The following CHAT variants were observed in gnomAD, a reference collection of about 807,000 sequenced individuals.
CHAT encodes the protein acetyl CoA:choline O-acetyltransferase.
Under a neutral mutation model 76.9 loss-of-function variants are expected in CHAT, and 61 were observed. That is an observed-to-expected ratio of 0.79 (90% confidence interval 0.65 to 0.98). CHAT has a LOEUF of 0.98. Among genes scored for constraint, CHAT ranks in the 50% least tolerant of loss-of-function variants. CHAT has a pLI of 0.00. For missense variants in CHAT, 946 were observed against 986.9 expected (o/e 0.96, Z 0.56); for synonymous variants, 407 against 397.4 (o/e 1.02, Z -0.29).
At chr10:49,632,720 A>C (rs987192918) in intron 7 of CHAT, among the ~76,000 whole-genome samples, 5 of 152,072 alleles carry the variant, frequency 3.3e-5, no homozygotes, top group Non-Finnish European at 7.4e-5. Context: ...TCTCTCCTTC[A>C]AGACACTGCC....
chr10:49,628,956 G>C (rs1022586660), intron 7 of CHAT, among the ~76,000 whole-genome samples: 4 of 152,232 alleles, frequency 2.6e-5, no homozygotes, highest in Non-Finnish European at 4.4e-5. Flanking sequence ...TCTCTAGAAG[G>C]GTCTTCCCCC....
At chr10:49,637,861 T>C (rs1189913983) in intron 7 of CHAT, among the ~76,000 whole-genome samples, 1 of 152,252 alleles carries the variant, frequency 6.6e-6, no homozygotes, top group Non-Finnish European at 1.5e-5. Context: ...GATAACATAT[T>C]TTGAATGACT....
intron 7 of CHAT, among the ~76,000 whole-genome samples, chr10:49,639,945 T>A (rs1839425290): frequency 6.6e-6 from 1 of 152,180 alleles, no homozygotes; most frequent in South Asian, 2.1e-4. Context: ...TTCTTTTCTC[T>A]CCTCCCTAGG....
rs1478590906 is a variant in CHAT, at chr10:49,639,271, CACTT to C, written c.1112-7233_1112-7230del. On this transcript the variant is annotated intron_variant, in intron 7 of 14. Transcript: ENST00000337653. ...AACCAAAAACAAACAAACAAAAAAA[CACTT>C]TATTTAGCCATTCTTTCAGGATATG... Among the ~76,000 whole-genome samples the C allele has an allele frequency of 1.1e-4, 17 of 152,154 alleles. No individual in the cohort carries two copies. The East Asian group carries it at 3.1e-3, about 28-fold the overall frequency.
In CHAT at chr10:49,665,208, GA is replaced by G; in HGVS notation, c.*165del. The stretch of plus-strand genomic sequence containing the variant: ...TCACACAGAGCCGGAGTGTTAGGAG[GA>G]AAGGGTCCCCTCTTCATGCATGGGA... On this transcript the variant is annotated 3_prime_UTR_variant, in exon 15 of 15. Transcript: ENST00000337653. 1.3e-6 allele frequency: 1 copy of G among 799,948 alleles called. No homozygotes were observed. The highest frequency in any genetic ancestry group is 1.5e-5 in the South Asian group (1 of 67,688). 49.6% of individuals were successfully genotyped at this position (799,948 alleles called of 1,614,324 possible).
rs1336102757 is a variant in CHAT, at chr10:49,625,496, C to A, written c.776C>A (p.Ala259Asp). Residue 259 changes from alanine to aspartate, a missense_variant, in exon 6 of 15, where the codon GCC becomes GAC. Ala to Asp is a moderately radical substitution (Grantham distance 126). Transcript: ENST00000337653. ...LDSHSIPTDC[A>D]KGQLSGQPLC... ...AGCCACTCCATTCCCACTGACTGTG[C>A]CAAAGGCCAGCTGTCAGGGCAGCCC... The A allele has an allele frequency of 6.2e-7, 1 of 1,612,716 alleles. No homozygotes were observed. Among genetic ancestry groups the A allele is most frequent in the African/African-American group, 1.3e-5 (1 of 75,010 alleles).
chr10:49,618,448 C>A (rs1838578405), intron 2 of CHAT, among the ~76,000 whole-genome samples: 1 of 152,114 alleles, frequency 6.6e-6, no homozygotes, highest in African/African-American at 2.4e-5. Context: ...ATAAGTTCTG[C>A]CTTCCTATTG....
rs375107367 is a variant in CHAT at position 49,655,338 on chromosome 10, T to C, written c.1777-48T>C. ...CCCTCTGACCACCAGATGCTTTGGCTCCAAGCAGCCTTTTAAACCCCGCGC... is the reference window on the plus strand; with the variant it reads ...CCCTCTGACCACCAGATGCTTTGGCCCCAAGCAGCCTTTTAAACCCCGCGC... On this transcript the variant is annotated intron_variant, in intron 12 of 14. Transcript: ENST00000337653. The C allele has an allele frequency of 1.7e-5, 28 of 1,612,602 alleles. No individual in the cohort carries two copies. The African/African-American group carries it at 3.1e-4, about 18-fold the overall frequency.
intron 2 of CHAT, 82 bp downstream of exon 2, chr10:49,616,684 T>G (rs2132702462): frequency 1.0e-6 from 1 of 1,003,170 alleles, no homozygotes; most frequent in East Asian, 2.6e-5. Flanking sequence ...TGAGTGGGAC[T>G]GGCCCCCAGC....
chr10:49,611,885 C>T, upstream of CHAT: 1 of 1,610,168 alleles, frequency 6.2e-7, no homozygotes, highest in Non-Finnish European at 8.5e-7. Context: ...TCCTTCGCGC[C>T]GCTAGTGGTC....
At chr10:49,618,256 A>C (rs1347072559) in intron 2 of CHAT, among the ~76,000 whole-genome samples, 1 of 152,240 alleles carries the variant, frequency 6.6e-6, no homozygotes, top group Non-Finnish European at 1.5e-5. Flanking sequence ...AGCTGAGAAC[A>C]GTTTATAAAT....
intron 13 of CHAT, among the ~76,000 whole-genome samples, chr10:49,659,982 T>G (rs540263219): frequency 6.6e-6 from 1 of 152,358 alleles, no homozygotes; most frequent in East Asian, 1.9e-4. Context: ...AATCTAATCA[T>G]AGTACACTAC....
chr10:49,651,293 G>A (rs1839868504), intron 10 of CHAT, among the ~76,000 whole-genome samples: 1 of 151,760 alleles, frequency 6.6e-6, no homozygotes, highest in Non-Finnish European at 1.5e-5. Context: ...GTGAGCAGGA[G>A]GAATACTTCA....
rs781476714 is a variant in CHAT at position 49,619,759 on chromosome 10, A to C, written c.422A>C (p.Gln141Pro). Reference sequence around the variant, plus strand: ...AAACTGCCCGTGCCCCCGCTGCAGCAGACCCTGGCCACGTACCTGCAGTGC... The same window carrying C: ...AAACTGCCCGTGCCCCCGCTGCAGCCGACCCTGGCCACGTACCTGCAGTGC... ...LPKLPVPPLQQTLATYLQCMR... is the reference protein window; with the variant it reads ...LPKLPVPPLQPTLATYLQCMR... The change falls in exon 3 of 15, where the codon CAG becomes CCG. Residue 141 changes from glutamine to proline, a missense_variant. Transcript: ENST00000337653. 8 of 1,613,732 alleles carry C rather than the reference A, an allele frequency of 5.0e-6. No individual in the cohort carries two copies. The highest frequency in any genetic ancestry group is 6.8e-6 in the Non-Finnish European group (8 of 1,180,016).
intron 13 of CHAT, among the ~76,000 whole-genome samples, chr10:49,658,958 T>G (rs982765916): frequency 3.3e-5 from 5 of 151,654 alleles, no homozygotes; most frequent in African/African-American, 1.2e-4. Flanking sequence ...AATAAAGAGA[T>G]GAAATATAAG....
Position 49,664,904 on chromosome 10 carries a change from C to G in CHAT, c.2105C>G (p.Thr702Ser). The G allele has an allele frequency of 6.2e-7, 1 of 1,614,238 alleles. No individual in the cohort carries two copies. The highest frequency in any genetic ancestry group is 8.5e-7 in the Non-Finnish European group (1 of 1,180,030). Residue 702 changes from threonine to serine, a missense_variant, in exon 15 of 15, where the codon ACT (threonine) becomes AGT (serine). By Grantham distance (58) the Thr-to-Ser change is moderately conservative. Around this residue, in one of 3 missense-constraint regions of CHAT, gnomAD observed 349 missense variants for 393.9 expected, o/e 0.89. Transcript: ENST00000337653. The part of the protein sequence containing the change: ...CISSFHSCKE[T>S]SSSKFAKAVE... ...TCTAGCTTTCACAGCTGCAAAGAGACTTCTTCTAGCAAGTTTGCAAAAGCT... is the reference window on the plus strand; with the variant it reads ...TCTAGCTTTCACAGCTGCAAAGAGAGTTCTTCTAGCAAGTTTGCAAAAGCT...
Position 49,665,198 on chromosome 10 carries a change from G to C in CHAT, c.*152G>C, listed in dbSNP as rs896745521. ...TACAGAGACATCACACAGAGCCGGAGTGTTAGGAGGAAAGGGTCCCCTCTT... is the reference window on the plus strand; with the variant it reads ...TACAGAGACATCACACAGAGCCGGACTGTTAGGAGGAAAGGGTCCCCTCTT... On this transcript the variant is annotated 3_prime_UTR_variant, in exon 15 of 15. Coordinates refer to ENST00000337653, the MANE Select transcript of CHAT (RefSeq NM_020549.5). 1 of 850,954 alleles carries C rather than the reference G, an allele frequency of 1.2e-6. No homozygotes were observed. The highest frequency in any genetic ancestry group is 1.9e-6 in the Non-Finnish European group (1 of 519,302). The allele number at this position is 850,954 out of a possible 1,614,324, so 52.7% of individuals were successfully genotyped here.
chr10:49,648,140 A>G, intron 8 of CHAT: 1 of 347,864 alleles, frequency 2.9e-6, no homozygotes, highest in Non-Finnish European at 5.4e-6. Context: ...TTGGGAGGAG[A>G]CCCCGATGTG....
intron 4 of CHAT, 65 bp from the exon 5 acceptor site, chr10:49,622,032 G>A: frequency 1.3e-6 from 2 of 1,498,194 alleles, no homozygotes; most frequent in Non-Finnish European, 1.9e-6. Context: ...GGAGGCAGAA[G>A]GGAGGGAGGG....
Sources: gnomAD v4.1 joint callset for allele counts (sites outside exome capture counted in the v4.1 genomes callset) on GRCh38, gnomAD v4.1.1 for gene constraint, gnomAD v4.1.1 regional missense constraint, MANE v1.5 for transcripts, NCBI Gene and HGNC (gene_info 2026-07-23, HGNC 2026-07-21) for gene names.